The following SPON1 variants were observed in gnomAD, a reference collection of about 807,000 sequenced individuals.
The protein encoded by SPON1 is spondin 1.
SPON1 carries 52 observed loss-of-function variants against 111.7 expected under a neutral mutation model. The ratio of observed to expected loss-of-function variants is 0.47; its 90% CI spans 0.37 to 0.59. SPON1 has a LOEUF of 0.59. Among genes scored for constraint, SPON1 ranks in the 20% least tolerant of loss-of-function variants. The pLI is 0.00. For synonymous variants in SPON1, 410 were observed against 395.8 expected (o/e 1.04, Z -0.43); for missense variants, 957 against 1,068.5 (o/e 0.90, Z 1.46).
intron 5 of SPON1, among the ~76,000 whole-genome samples, chr11:14,133,571 C>T (rs568159304): frequency 3.9e-5 from 6 of 152,230 alleles, no homozygotes; most frequent in South Asian, 2.1e-4. Flanking sequence ...AGGCAGGACA[C>T]GCCTAGAACA....
chr11:14,264,593 G>T (rs1849241222), intron 15 of SPON1, among the ~76,000 whole-genome samples: 2 of 152,226 alleles, frequency 1.3e-5, no homozygotes, highest in Non-Finnish European at 2.9e-5. Flanking sequence ...TCAAAGTGCT[G>T]TCTGTTCTAC....
At chr11:14,000,188 G>A (rs782298852) in intron 2 of SPON1, among the ~76,000 whole-genome samples, 20 of 152,050 alleles carry the variant, frequency 1.3e-4, no homozygotes, top group Non-Finnish European at 2.4e-4. Flanking sequence ...CCTAGGCATG[G>A]ATATATGCCT....
intron 3 of SPON1, among the ~76,000 whole-genome samples, chr11:14,073,173 G>A (rs1349649283): frequency 1.3e-5 from 2 of 151,994 alleles, no homozygotes; most frequent in Non-Finnish European, 2.9e-5. Flanking sequence ...ATAATTTTGT[G>A]CCTAAAACAA....
At chr11:14,202,641 C>T (rs1171608947) in intron 6 of SPON1, among the ~76,000 whole-genome samples, 1 of 152,238 alleles carries the variant, frequency 6.6e-6, no homozygotes, top group Non-Finnish European at 1.5e-5. Flanking sequence ...GCCAAACTCA[C>T]TGATTAGCAT....
chr11:14,254,962 C>T (rs1228024170), intron 8 of SPON1, among the ~76,000 whole-genome samples: 1 of 152,158 alleles, frequency 6.6e-6, no homozygotes, highest in African/African-American at 2.4e-5. Context: ...CCCAGGTGAG[C>T]AGGGGACAGC....
intron 11 of SPON1, among the ~76,000 whole-genome samples, chr11:14,258,868 G>A (rs1194739320): frequency 1.3e-5 from 2 of 152,202 alleles, no homozygotes; most frequent in African/African-American, 2.4e-5. Context: ...TCTTGGGGCT[G>A]GGACTGGGGA....
rs79646349 is a variant in SPON1, at chr11:14,076,018, C to T, written c.553+600C>T. On this transcript the variant is annotated intron_variant, in intron 4 of 15. Transcript: ENST00000576479. The stretch of plus-strand genomic sequence containing the variant: ...ATAAAGCAGAGACCTGAGTTTAGAT[C>T]AGGCCCAGGTTCGGATCTGCCTCTG... 5.2e-3 allele frequency among the ~76,000 whole-genome samples: 788 copies of T among 152,270 alleles called. 2 individuals carry two copies. The highest frequency in any genetic ancestry group is 0.018 in the African/African-American group (757 of 41,556).
At chr11:14,190,776 G>A (rs1302232565) in intron 6 of SPON1, among the ~76,000 whole-genome samples, 1 of 151,514 alleles carries the variant, frequency 6.6e-6, no homozygotes, top group Admixed American at 6.6e-5. Context: ...GAGTAGCTAG[G>A]ATTAAAGGGG....
intron 7 of SPON1, among the ~76,000 whole-genome samples, chr11:14,250,536 T>C (rs1468695018): frequency 1.3e-5 from 2 of 152,194 alleles, no homozygotes; most frequent in African/African-American, 4.8e-5. Flanking sequence ...TCTGTATTGC[T>C]GATTTATATT....
chr11:14,267,846 A>G lies in SPON1; in HGVS notation c.*2159A>G, dbSNP rs1849289470. 1 of 152,190 alleles carries G rather than the reference A, an allele frequency of 6.6e-6. No individual in the cohort carries two copies. 9.4% of individuals were successfully genotyped at this position (152,190 alleles called of 1,614,324 possible). A position where few individuals can be genotyped will look rare whatever the true frequency, so the allele number is the denominator to read the frequency against. On this transcript the variant is annotated 3_prime_UTR_variant, in exon 16 of 16. Coordinates refer to ENST00000576479, the MANE Select transcript of SPON1 (RefSeq NM_006108.4). ...TGGACTTCCACTTGAGACAGTAAAG[A>G]GAGTATTAGACACCCAGTAAAAACT...
At chr11:14,187,826 C>G (rs988637713) in intron 6 of SPON1, among the ~76,000 whole-genome samples, 1 of 151,132 alleles carries the variant, frequency 6.6e-6, no homozygotes, top group African/African-American at 2.4e-5. Context: ...GTTGCCCAGG[C>G]CTGGAGTGTA....
At chr11:14,014,548 G>T (rs553243883) in intron 2 of SPON1, among the ~76,000 whole-genome samples, 1 of 152,238 alleles carries the variant, frequency 6.6e-6, no homozygotes, top group Admixed American at 6.5e-5. Flanking sequence ...TTTGGGAGGA[G>T]AAAGGTCTGG....
chr11:14,091,509 G>A (rs891452727), intron 5 of SPON1, among the ~76,000 whole-genome samples: 22 of 152,164 alleles, frequency 1.4e-4, no homozygotes, highest in Admixed American at 3.3e-4. Context: ...GAAATTGAGC[G>A]CAGCACCGGT....
chr11:14,009,171 A>C (rs1350024013), intron 2 of SPON1, among the ~76,000 whole-genome samples: 4 of 152,228 alleles, frequency 2.6e-5, no homozygotes, highest in African/African-American at 7.2e-5. Context: ...GAAACACAGT[A>C]GCTGTTCAAT....
intron 15 of SPON1, 75 bp from the exon 16 acceptor site, chr11:14,265,449 A>G: frequency 1.4e-6 from 2 of 1,473,980 alleles, no homozygotes; most frequent in Non-Finnish European, 1.8e-6. Flanking sequence ...AGCACATTTC[A>G]CAGTTCTACT....
intron 6 of SPON1, among the ~76,000 whole-genome samples, chr11:14,138,415 T>C (rs1847617425): frequency 6.6e-6 from 1 of 152,124 alleles, no homozygotes; most frequent in Non-Finnish European, 1.5e-5. Flanking sequence ...TTACTATAAC[T>C]GCAAAACACC....
chr11:14,160,672 C>T (rs181527793), intron 6 of SPON1, among the ~76,000 whole-genome samples: 139 of 6,548 alleles, frequency 0.021, no homozygotes, highest in South Asian at 0.03. Context: ...TATATATTTA[C>T]ATATATTTAT....
chr11:14,208,728 T>A (rs542742879), intron 6 of SPON1, among the ~76,000 whole-genome samples: 11 of 152,350 alleles, frequency 7.2e-5, no homozygotes, highest in African/African-American at 2.4e-4. Flanking sequence ...TATTATTAAA[T>A]AACTTCTCCT....
intron 6 of SPON1, among the ~76,000 whole-genome samples, chr11:14,220,433 T>C (rs550275580): frequency 6.6e-6 from 1 of 152,160 alleles, no homozygotes; most frequent in East Asian, 1.9e-4. Context: ...CAGCCTTTTT[T>C]AAAAAAATTC....
Sources: gnomAD v4.1 joint callset for allele counts (sites outside exome capture counted in the v4.1 genomes callset) on GRCh38, gnomAD v4.1.1 for gene constraint, MANE v1.5 for transcripts, NCBI Gene and HGNC (gene_info 2026-07-23, HGNC 2026-07-21) for gene names.